Variants in HNRNPC observed in about 807,000 individuals in gnomAD.
The protein encoded by HNRNPC is heterogeneous nuclear ribonucleoproteins C1/C2.
Under a neutral mutation model 33.2 loss-of-function variants are expected in HNRNPC, and 3 were observed. The ratio of observed to expected loss-of-function variants is 0.09; its 90% CI spans 0.04 to 0.23. The LOEUF is 0.23. Among genes scored for constraint, HNRNPC ranks in the 10% least tolerant of loss-of-function variants. The pLI is 1.00. For missense variants in HNRNPC, 143 were observed against 366.7 expected, an observed-to-expected ratio of 0.39 and a Z score of 4.98; for synonymous variants, 121 against 126.7, an observed-to-expected ratio of 0.96 and a Z score of 0.30.
chr14:21,216,529 G>GA lies in HNRNPC; in HGVS notation c.366-3413dup, dbSNP rs940164250. ...TGGAGACGGGCCTGACCAACATGGT[G>GA]AAACCCAGTGTCTACTAAAAATAGA... On this transcript the variant is annotated intron_variant, in intron 5 of 8. Transcript: ENST00000553300. Among the ~76,000 whole-genome samples the GA allele has an allele frequency of 8.4e-4, 128 of 152,172 alleles. 2 individuals carry two copies. Among genetic ancestry groups the GA allele is most frequent in the Non-Finnish European group, 2.9e-4 (20 of 68,030 alleles).
intron 2 of HNRNPC, among the ~76,000 whole-genome samples, chr14:21,254,060 CAAAAAAA>C (rs575132536): frequency 3.8e-5 from 2 of 52,006 alleles, no homozygotes; most frequent in African/African-American, 1.4e-4. Context: ...GATTCCGTCT[CAAAAAAA>C]AAAAAAAAAA....
chr14:21,229,243 A>T (rs1893828237), intron 5 of HNRNPC, among the ~76,000 whole-genome samples: 1 of 151,852 alleles, frequency 6.6e-6, no homozygotes, highest in Admixed American at 6.6e-5. Flanking sequence ...ACAAAAAATT[A>T]GCCGGGTGTG....
At chr14:21,225,781 G>A (rs1002069659) in intron 5 of HNRNPC, among the ~76,000 whole-genome samples, 4 of 152,064 alleles carry the variant, frequency 2.6e-5, no homozygotes, top group African/African-American at 9.7e-5. Flanking sequence ...CCATTTAAAA[G>A]GGTGCCACTC....
At chr14:21,235,373 G>A (rs1247167438) in intron 2 of HNRNPC, among the ~76,000 whole-genome samples, 1 of 152,044 alleles carries the variant, frequency 6.6e-6, no homozygotes, top group Non-Finnish European at 1.5e-5. Flanking sequence ...ATGTAAAAAA[G>A]TCTAATGTAT....
chr14:21,260,533 G>A (rs1245236959), intron 2 of HNRNPC, among the ~76,000 whole-genome samples: 1 of 151,988 alleles, frequency 6.6e-6, no homozygotes, highest in Admixed American at 6.6e-5. Flanking sequence ...AAGAGATGGG[G>A]TCTCGCTGGG....
At chr14:21,226,876 C>T (rs1165712542) in intron 5 of HNRNPC, among the ~76,000 whole-genome samples, 1 of 30,024 alleles carries the variant, frequency 3.3e-5, no homozygotes, top group Admixed American at 5.6e-4. Context: ...AAGACTCCAT[C>T]TCAAAAAAAA....
At chr14:21,232,912 C>T (rs1894270876) in intron 3 of HNRNPC, among the ~76,000 whole-genome samples, 1 of 152,086 alleles carries the variant, frequency 6.6e-6, no homozygotes, top group Admixed American at 6.6e-5. Context: ...TGGCACATGC[C>T]TGTAGTACCA....
At chr14:21,250,089 T>C (rs1015184159) in intron 2 of HNRNPC, among the ~76,000 whole-genome samples, 19 of 151,920 alleles carry the variant, frequency 1.3e-4, no homozygotes, top group Non-Finnish European at 7.4e-5. Flanking sequence ...CTAAATTCAT[T>C]AAAAAATACA....
intron 5 of HNRNPC, among the ~76,000 whole-genome samples, chr14:21,226,058 C>G (rs1171462367): frequency 6.6e-6 from 1 of 151,802 alleles, no homozygotes; most frequent in Non-Finnish European, 1.5e-5. Context: ...TGGCTCATAC[C>G]TGTAATCCCA....
chr14:21,223,949 T>C (rs1328491555), intron 5 of HNRNPC, among the ~76,000 whole-genome samples: 2 of 152,172 alleles, frequency 1.3e-5, no homozygotes, highest in Non-Finnish European at 2.9e-5. Flanking sequence ...AAATGACACC[T>C]CTGAGAGTCA....
At chr14:21,217,258 CTTGT>C (rs1166488179) in intron 5 of HNRNPC, among the ~76,000 whole-genome samples, 1 of 152,136 alleles carries the variant, frequency 6.6e-6, no homozygotes, top group Admixed American at 6.5e-5. Context: ...ATTTTTGTAG[CTTGT>C]GTTTTATTTC....
At chr14:21,252,898 G>A (rs1012328688) in intron 2 of HNRNPC, among the ~76,000 whole-genome samples, 6 of 152,090 alleles carry the variant, frequency 3.9e-5, no homozygotes, top group African/African-American at 7.2e-5. Flanking sequence ...AGCACCAGGC[G>A]GGTGCAGTTG....
intron 6 of HNRNPC, 86 bp from the exon 7 acceptor site, chr14:21,212,009 A>T: frequency 1.0e-6 from 1 of 1,000,816 alleles, no homozygotes; most frequent in Non-Finnish European, 1.6e-6. Flanking sequence ...CTACATCAGG[A>T]GCTCACAGGA....
At chr14:21,256,277 C>A (rs1288899419) in intron 2 of HNRNPC, among the ~76,000 whole-genome samples, 1 of 152,052 alleles carries the variant, frequency 6.6e-6, no homozygotes, top group Non-Finnish European at 1.5e-5. Context: ...GCAACCCTGT[C>A]TCTACTAAAA....
chr14:21,259,156 GCCAAGTCTTGTTCCC>G lies in HNRNPC; in HGVS notation c.-37+4140_-37+4154del, dbSNP rs1032128863. Reference sequence around the variant, plus strand: ...TTCCAGTATTATTTCTTACTTGGAGGCCAAGTCTTGTTCCCCCTCATTATCTGTGCTTTCACATAT... The same window carrying G: ...TTCCAGTATTATTTCTTACTTGGAGGCCTCATTATCTGTGCTTTCACATAT... On this transcript the variant is annotated intron_variant, in intron 2 of 8. Transcript: ENST00000553300. Among the ~76,000 whole-genome samples the G allele has an allele frequency of 7.9e-5, 12 of 152,130 alleles. 1 individual carries two copies. The East Asian group carries it at 1.9e-3, about 24-fold the overall frequency.
In HNRNPC at chr14:21,209,706, G is replaced by A. The variant is rs2139428092; in HGVS notation, c.*1517C>T. Reference sequence around the variant, plus strand: ...CCTGTAATGAGTAGGATGAAAAAAGGCCAGTGCCGCATGCTATGAAACAAT... The same window carrying A: ...CCTGTAATGAGTAGGATGAAAAAAGACCAGTGCCGCATGCTATGAAACAAT... On this transcript the variant is annotated 3_prime_UTR_variant, in exon 9 of 9. Coordinates refer to ENST00000553300, the MANE Select transcript of HNRNPC (RefSeq NM_004500.4). 6.6e-6 allele frequency: 1 copy of A among 152,250 alleles called. No individual in the cohort carries two copies. Among genetic ancestry groups the A allele is most frequent in the East Asian group, 1.9e-4 (1 of 5,186 alleles). 9.4% of individuals were successfully genotyped at this position (152,250 alleles called of 1,614,324 possible). A position where few individuals can be genotyped will look rare whatever the true frequency, so the allele number is the denominator to read the frequency against.
chr14:21,250,535 G>T (rs374633509), intron 2 of HNRNPC, among the ~76,000 whole-genome samples: 1 of 152,160 alleles, frequency 6.6e-6, no homozygotes, highest in East Asian at 1.9e-4. Context: ...CAAGATATAT[G>T]ATCTGCATTA....
At chr14:21,258,847 T>C (rs191377735) in intron 2 of HNRNPC, among the ~76,000 whole-genome samples, 259 of 152,308 alleles carry the variant, frequency 1.7e-3, no homozygotes, top group African/African-American at 6.1e-3. Context: ...GGGCAAGTTA[T>C]TGTTAGGCTT....
In HNRNPC at chr14:21,210,060, G is replaced by C. The variant is rs1891454618; in HGVS notation, c.*1163C>G. On this transcript the variant is annotated 3_prime_UTR_variant, in exon 9 of 9. Transcript: ENST00000553300. ...AATATCAGGAAGTAAGAGTTTTCTT[G>C]TTTTCAGGAACATGGAGGTATATAC... 6.6e-6 allele frequency: 1 copy of C among 152,170 alleles called. No homozygotes were observed. The highest frequency in any genetic ancestry group is 1.5e-5 in the Non-Finnish European group (1 of 68,034). The allele number at this position is 152,170 out of a possible 1,614,324, so 9.4% of individuals were successfully genotyped here. A position where few individuals can be genotyped will look rare whatever the true frequency, so the allele number is the denominator to read the frequency against.
Sources: allele counts gnomAD v4.1 joint callset (sites outside exome capture counted in the v4.1 genomes callset), GRCh38; gene constraint gnomAD v4.1.1; transcripts MANE v1.5; gene names NCBI Gene and HGNC (gene_info 2026-07-23, HGNC 2026-07-21).